The following BFSP2 variants were observed in gnomAD, a reference collection of about 807,000 sequenced individuals.
BFSP2 encodes the protein beaded filament structural protein 2.
A neutral mutation model predicts 44.9 loss-of-function variants in BFSP2; 38 were observed. The ratio of observed to expected loss-of-function variants is 0.85; its 90% CI spans 0.65 to 1.11. The LOEUF is 1.11. Ranked by LOEUF, BFSP2 falls within the 50% of genes least tolerant of loss-of-function variation. The pLI, the probability that BFSP2 is intolerant of heterozygous loss-of-function variation, is 0.00. For synonymous variants in BFSP2, 197 were observed against 209.9 expected (o/e 0.94, Z 0.53); for missense variants, 525 against 533.0 (o/e 0.99, Z 0.15).
At chr3:133,434,116 C>G (rs2073757086) in intron 1 of BFSP2, among the ~76,000 whole-genome samples, 1 of 152,226 alleles carries the variant, frequency 6.6e-6, no homozygotes, top group Non-Finnish European at 1.5e-5. Context: ...AACCGCCACT[C>G]TAAACTCTTG....
chr3:133,440,051 C>A (rs1414147842), intron 1 of BFSP2, among the ~76,000 whole-genome samples: 1 of 152,120 alleles, frequency 6.6e-6, no homozygotes, highest in African/African-American at 2.4e-5. Flanking sequence ...CCCACAGTTC[C>A]CCACGGCTGG....
intron 6 of BFSP2, among the ~76,000 whole-genome samples, chr3:133,473,598 C>A (rs2074187280): frequency 6.6e-6 from 1 of 150,936 alleles, no homozygotes; most frequent in Non-Finnish European, 1.5e-5. Flanking sequence ...AGGCAGAGGA[C>A]CCTGCGGCCT....
intron 5 of BFSP2, among the ~76,000 whole-genome samples, chr3:133,469,198 A>G (rs1426842928): frequency 6.6e-6 from 1 of 152,248 alleles, no homozygotes; most frequent in Non-Finnish European, 1.5e-5. Flanking sequence ...TGCTGGTTCT[A>G]GTAGATTATC....
intron 4 of BFSP2, among the ~76,000 whole-genome samples, chr3:133,456,348 A>G (rs1057302287): frequency 6.6e-6 from 1 of 152,240 alleles, no homozygotes; most frequent in African/African-American, 2.4e-5. Context: ...TCTTAAGGCC[A>G]AAAGAAACAT....
intron 1 of BFSP2, among the ~76,000 whole-genome samples, chr3:133,446,592 A>T (rs1347340045): frequency 2.1e-4 from 4 of 19,232 alleles, no homozygotes; most frequent in African/African-American, 4.4e-4. Context: ...ATATATATAT[A>T]TATATATATA....
chr3:133,419,088 A>G (rs995177267), intron 1 of BFSP2, among the ~76,000 whole-genome samples: 3 of 151,952 alleles, frequency 2.0e-5, no homozygotes, highest in Non-Finnish European at 4.4e-5. Flanking sequence ...GGCTCATGGA[A>G]GGGCATCTTC....
At chr3:133,405,883 G>T (rs2073399639) in intron 1 of BFSP2, among the ~76,000 whole-genome samples, 1 of 152,216 alleles carries the variant, frequency 6.6e-6, no homozygotes, top group Admixed American at 6.5e-5. Flanking sequence ...GGGAGAGGGG[G>T]AGAAGGAGGC....
chr3:133,430,927 C>T (rs951919635), intron 1 of BFSP2, among the ~76,000 whole-genome samples: 1 of 152,172 alleles, frequency 6.6e-6, no homozygotes, highest in South Asian at 2.1e-4. Flanking sequence ...CATTCCGTGA[C>T]TAGCCCTCCC....
intron 1 of BFSP2, among the ~76,000 whole-genome samples, chr3:133,405,181 A>T (rs1305767435): frequency 6.6e-6 from 1 of 152,214 alleles, no homozygotes; most frequent in Non-Finnish European, 1.5e-5. Flanking sequence ...GGGAGAATGA[A>T]GCTGCCTGAG....
chr3:133,456,522 A>T (rs1194331606), intron 4 of BFSP2, among the ~76,000 whole-genome samples: 1 of 152,178 alleles, frequency 6.6e-6, no homozygotes, highest in Non-Finnish European at 1.5e-5. Context: ...CAAGGTGGGC[A>T]GATCGCTTGA....
chr3:133,472,244 AG>A, intron 5 of BFSP2, 100 bp from the exon 6 acceptor site: 1 of 1,292,878 alleles, frequency 7.7e-7, no homozygotes, highest in East Asian at 2.5e-5. Context: ...CGAGGGGAAT[AG>A]TCCAGGCTAC....
At chr3:133,444,518 T>C (rs1576583607) in intron 1 of BFSP2, among the ~76,000 whole-genome samples, 1 of 152,262 alleles carries the variant, frequency 6.6e-6, no homozygotes, top group East Asian at 1.9e-4. Context: ...AAAGTATTTA[T>C]ACTAAATGTG....
At chr3:133,472,324 A>G in intron 5 of BFSP2, 21 bp from the exon 6 acceptor site, 3 of 1,601,364 alleles carry the variant, frequency 1.9e-6, no homozygotes, top group Non-Finnish European at 2.5e-6. Flanking sequence ...TCGGGTTTGG[A>G]CCGGGTTCGC....
rs556235884 is a variant in BFSP2, at chr3:133,450,596, A to G, written c.891+132A>G. 58 of 1,051,402 alleles carry G rather than the reference A, an allele frequency of 5.5e-5. No individual in the cohort carries two copies. In the African/African-American group the frequency reaches 9.0e-4, roughly 16 times the overall value. 65.1% of individuals were successfully genotyped at this position (1,051,402 alleles called of 1,614,324 possible). A position where few individuals can be genotyped will look rare whatever the true frequency, so the allele number is the denominator to read the frequency against. On this transcript the variant is annotated intron_variant, in intron 4 of 6. Transcript: ENST00000302334. ...CAAGTTCAACCTCATTAGAAACAGA[A>G]GAAATGAAAATTAAAATAATAGCTT...
Position 133,472,329 on chromosome 3 carries a change from G to A in BFSP2, c.1024-16G>A. Reference sequence around the variant, plus strand: ...CCTGTTGTCCTCGGGTTTGGACCGGGTTCGCTCTTTTGTAGAAACGAGGCC... The same window carrying A: ...CCTGTTGTCCTCGGGTTTGGACCGGATTCGCTCTTTTGTAGAAACGAGGCC... On this transcript the variant is annotated splice_polypyrimidine_tract_variant and intron_variant, in intron 5 of 6. Coordinates refer to ENST00000302334, the MANE Select transcript of BFSP2 (RefSeq NM_003571.4). 1 of 1,604,392 alleles carries A rather than the reference G, an allele frequency of 6.2e-7. No homozygotes were observed. Among genetic ancestry groups the A allele is most frequent in the Non-Finnish European group, 8.5e-7 (1 of 1,178,566 alleles).
intron 1 of BFSP2, among the ~76,000 whole-genome samples, chr3:133,440,619 G>C (rs1423773626): frequency 6.6e-6 from 1 of 152,148 alleles, no homozygotes; most frequent in African/African-American, 2.4e-5. Flanking sequence ...TGGAAGTCTA[G>C]GTGGGCCCAG....
At chr3:133,418,614 C>T (rs537992994) in intron 1 of BFSP2, among the ~76,000 whole-genome samples, 168 of 152,298 alleles carry the variant, frequency 1.1e-3, no homozygotes, top group Non-Finnish European at 1.8e-3. Flanking sequence ...AGCCACCCCC[C>T]GGAATGGGCA....
At chr3:133,430,238 C>T (rs370703437) in intron 1 of BFSP2, among the ~76,000 whole-genome samples, 3 of 152,112 alleles carry the variant, frequency 2.0e-5, no homozygotes, top group South Asian at 4.2e-4. Flanking sequence ...GTCTTTATAG[C>T]AGCATGATTT....
At chr3:133,463,252 T>C (rs2074080512) in intron 4 of BFSP2, among the ~76,000 whole-genome samples, 1 of 152,098 alleles carries the variant, frequency 6.6e-6, no homozygotes, top group Admixed American at 6.5e-5. Context: ...GAGGTTGCGG[T>C]GAGCTGAGAT....
Sources: gnomAD v4.1 joint callset for allele counts (sites outside exome capture counted in the v4.1 genomes callset) on GRCh38, gnomAD v4.1.1 for gene constraint, MANE v1.5 for transcripts, NCBI Gene and HGNC (gene_info 2026-07-23, HGNC 2026-07-21) for gene names.